Variants in RELN observed in about 807,000 individuals in gnomAD.
The protein encoded by RELN is reelin.
RELN carries 108 observed loss-of-function variants against 427.6 expected under a neutral mutation model. The ratio of observed to expected loss-of-function variants is 0.25; its 90% CI spans 0.22 to 0.30. The LOEUF is 0.30. RELN is among the 10% of genes least tolerant of loss of function. The pLI, the probability that RELN is intolerant of heterozygous loss-of-function variation, is 1.00. For missense variants in RELN, 3,715 were observed against 4,302.8 expected (o/e 0.86, Z 3.82); for synonymous variants, 1,524 against 1,513.4 (o/e 1.01, Z -0.16).
At chr7:103,754,716 C>T (rs898733070) in intron 4 of RELN, among the ~76,000 whole-genome samples, 8 of 152,068 alleles carry the variant, frequency 5.3e-5, no homozygotes, top group African/African-American at 1.9e-4. Context: ...TTTGAGGATG[C>T]AGTGAGCTAG....
chr7:103,742,619 G>T (rs1790695767), intron 6 of RELN, among the ~76,000 whole-genome samples: 2 of 152,218 alleles, frequency 1.3e-5, no homozygotes, highest in African/African-American at 2.4e-5. Flanking sequence ...CATGACGAAT[G>T]CAGAAGCCTC....
intron 8 of RELN, among the ~76,000 whole-genome samples, chr7:103,704,289 G>A (rs915062625): frequency 6.6e-6 from 1 of 152,068 alleles, no homozygotes; most frequent in South Asian, 2.1e-4. Context: ...AACTTCCTTT[G>A]TATGATCAAG....
chr7:103,946,525 C>G (rs1456361909), intron 1 of RELN, among the ~76,000 whole-genome samples: 2 of 152,092 alleles, frequency 1.3e-5, no homozygotes, highest in Non-Finnish European at 2.9e-5. Context: ...CCAATCAAGG[C>G]AAGATATGAG....
intron 10 of RELN, among the ~76,000 whole-genome samples, chr7:103,682,517 A>G (rs141864567): frequency 6.1e-4 from 93 of 152,314 alleles, no homozygotes; most frequent in African/African-American, 2.2e-3. Flanking sequence ...TCAGTATGAA[A>G]CAAGAGTATT....
At chr7:103,507,597 A>T (rs570696092) in intron 51 of RELN, among the ~76,000 whole-genome samples, 28 of 152,354 alleles carry the variant, frequency 1.8e-4, no homozygotes, top group Middle Eastern at 3.4e-3. Flanking sequence ...TCTAAAACTG[A>T]CACCCTAACA....
At chr7:103,726,327 T>C (rs1790211234) in intron 7 of RELN, among the ~76,000 whole-genome samples, 1 of 152,158 alleles carries the variant, frequency 6.6e-6, no homozygotes, top group Non-Finnish European at 1.5e-5. Context: ...ATCTGTTTCA[T>C]TTTATTCCCT....
chr7:103,887,876 T>C (rs909042242), intron 2 of RELN, among the ~76,000 whole-genome samples: 1 of 152,102 alleles, frequency 6.6e-6, no homozygotes, highest in Non-Finnish European at 1.5e-5. Context: ...AGAAGAGTTC[T>C]AGGAAGAACA....
intron 4 of RELN, among the ~76,000 whole-genome samples, chr7:103,760,340 C>T (rs1791268166): frequency 6.6e-6 from 1 of 152,074 alleles, no homozygotes; most frequent in Admixed American, 6.6e-5. Flanking sequence ...TAGATCACAG[C>T]AGCCTGAAGT....
At chr7:103,972,767 A>T (rs976832774) in intron 1 of RELN, among the ~76,000 whole-genome samples, 1 of 152,226 alleles carries the variant, frequency 6.6e-6, no homozygotes, top group Admixed American at 6.5e-5. Context: ...CTTTAAAGCT[A>T]AATTAGAAAG....
chr7:103,628,028 T>C (rs1296289752), intron 20 of RELN: 1 of 152,252 alleles, frequency 6.6e-6, no homozygotes, highest in Non-Finnish European at 1.5e-5. Context: ...GCATTCATGA[T>C]ATGATTCTTT....
chr7:103,812,081 A>G (rs1036612329), intron 3 of RELN, among the ~76,000 whole-genome samples: 2 of 152,320 alleles, frequency 1.3e-5, no homozygotes, highest in East Asian at 3.9e-4. Context: ...TCTTATGTGG[A>G]TGAGAAAACA....
intron 27 of RELN, 141 bp downstream of exon 27, chr7:103,593,541 T>C: frequency 1.3e-6 from 1 of 764,240 alleles, no homozygotes; most frequent in Non-Finnish European, 2.2e-6. Flanking sequence ...TTCGCAATTC[T>C]AACACTGTTA....
chr7:103,840,512 T>C (rs1269136582), intron 2 of RELN, among the ~76,000 whole-genome samples: 1 of 152,200 alleles, frequency 6.6e-6, no homozygotes, highest in Non-Finnish European at 1.5e-5. Context: ...TTGGGGCTCC[T>C]CATTGTAATC....
chr7:103,698,232 G>T, intron 9 of RELN, 139 bp from the exon 10 acceptor site: 1 of 1,069,536 alleles, frequency 9.3e-7, no homozygotes, highest in Non-Finnish European at 1.4e-6. Context: ...CAATCTCATA[G>T]CCCTTAAATC....
At position 103,558,415 on chromosome 7, in the gene RELN, C is replaced by T. The variant is rs535530705; in HGVS notation, c.5530-366G>A. ...AACGAGGAAGCAGATGGAAAATGTGCCAAGTGCTCCCGCTGGAAGATGGGA... is the reference window on the plus strand; with the variant it reads ...AACGAGGAAGCAGATGGAAAATGTGTCAAGTGCTCCCGCTGGAAGATGGGA... On this transcript the variant is annotated intron_variant, in intron 36 of 64. Coordinates refer to ENST00000428762, the MANE Select transcript of RELN (RefSeq NM_005045.4). Among the ~76,000 whole-genome samples the T allele has an allele frequency of 2.0e-5, 3 of 152,270 alleles. No homozygotes were observed. The East Asian group carries it at 5.8e-4, about 29-fold the overall frequency.
intron 4 of RELN, among the ~76,000 whole-genome samples, chr7:103,756,308 CG>C (rs1005016397): frequency 6.6e-6 from 1 of 152,022 alleles, no homozygotes; most frequent in Non-Finnish European, 1.5e-5. Context: ...GGTGGAGGCC[CG>C]GAAGTTGTAT....
chr7:103,792,906 G>T (rs1792202992), intron 3 of RELN, among the ~76,000 whole-genome samples: 1 of 151,972 alleles, frequency 6.6e-6, no homozygotes, highest in Non-Finnish European at 1.5e-5. Flanking sequence ...TGTGTTCTGG[G>T]GACATCTGTT....
At chr7:103,912,746 C>G (rs984895961) in intron 2 of RELN, among the ~76,000 whole-genome samples, 2 of 152,004 alleles carry the variant, frequency 1.3e-5, no homozygotes, top group Admixed American at 1.3e-4. Context: ...TGGGTAAAAT[C>G]TCTATCTTTT....
At chr7:103,644,963 G>A (rs1013131674) in intron 16 of RELN, among the ~76,000 whole-genome samples, 1 of 151,604 alleles carries the variant, frequency 6.6e-6, no homozygotes, top group Non-Finnish European at 1.5e-5. Context: ...AGAAGAGATT[G>A]GGATCCTATT....
Sources: allele counts gnomAD v4.1 joint callset (sites outside exome capture counted in the v4.1 genomes callset), GRCh38; gene constraint gnomAD v4.1.1; transcripts MANE v1.5; gene names NCBI Gene and HGNC (gene_info 2026-07-23, HGNC 2026-07-21).